UBR2: variants seen among roughly 807,000 people sequenced by gnomAD.
UBR2 encodes the protein E3 ubiquitin-protein ligase UBR2.
Under a neutral mutation model 247.9 loss-of-function variants are expected in UBR2, and 92 were observed. The ratio of observed to expected loss-of-function variants is 0.37; its 90% CI spans 0.31 to 0.44. The LOEUF is 0.44. UBR2 is among the 20% of genes least tolerant of loss of function. The pLI, the probability that UBR2 is intolerant of heterozygous loss-of-function variation, is 1.00. For missense variants in UBR2, 1,613 were observed against 2,112.6 expected (o/e 0.76, Z 4.64); for synonymous variants, 672 against 693.5 (o/e 0.97, Z 0.49).
At chr6:42,619,453 A>ATATATAATTTTTTTTT in intron 11 of UBR2, 5 of 23,728 alleles carry the variant, frequency 2.1e-4, no homozygotes, top group African/African-American at 4.9e-4. Flanking sequence ...ATATATATAT[A>ATATATAATTTTTTTTT]TTTTTTTTTT....
At position 42,616,221 on chromosome 6, in the gene UBR2, CATAA is replaced by C. The variant is rs144617463; in HGVS notation, c.1182+136_1182+139del. ...GTTGATATTAAATTCTAAGAAACTT[CATAA>C]ATAATCTTTTCATTCTTTATCAATA... is the stretch of plus-strand genomic sequence containing the variant. On this transcript the variant is annotated intron_variant, in intron 10 of 46. Transcript: ENST00000372901. The C allele has an allele frequency of 6.8e-3, 3,869 of 568,082 alleles. 40 individuals are homozygous for C. The highest frequency in any genetic ancestry group is 7.1e-3 in the Non-Finnish European group (2,427 of 343,512). The allele number at this position is 568,082 out of a possible 1,614,324, so 35.2% of individuals were successfully genotyped here. A position where few individuals can be genotyped will look rare whatever the true frequency, so the allele number is the denominator to read the frequency against.
chr6:42,615,028 A>G, intron 8 of UBR2, 43 bp from the exon 9 acceptor site: 2 of 1,517,656 alleles, frequency 1.3e-6, no homozygotes, highest in Non-Finnish European at 1.8e-6. Flanking sequence ...CTATTTTAAT[A>G]TTTGAAGTTG....
chr6:42,653,623 T>G (rs1397683221), intron 25 of UBR2, among the ~76,000 whole-genome samples: 1 of 139,000 alleles, frequency 7.2e-6, no homozygotes, highest in African/African-American at 2.7e-5. Context: ...TTTTTTTTTT[T>G]TTTTTTTTTT....
At position 42,616,011 on chromosome 6, in the gene UBR2, G is replaced by T. The variant is rs1794521186; in HGVS notation, c.1103G>T (p.Ser368Ile). 6.2e-7 allele frequency: 1 copy of T among 1,602,064 alleles called. No individual in the cohort carries two copies. The highest frequency in any genetic ancestry group is 8.5e-7 in the Non-Finnish European group (1 of 1,176,654). Reference protein sequence around the residue: ...SDSKLWKGARSVYHQLFMSSL... With the variant: ...SDSKLWKGARIVYHQLFMSSL... ...GATCTTTTTCTACAAGGTGCTAGGA[G>T]TGTATATCATCAGTTGTTCATGAGC... The change falls in exon 10 of 47, where the codon AGT becomes ATT. Residue 368 changes from serine (S) to isoleucine (I), a missense_variant. Physicochemically the swap from Ser to Ile is moderately radical, Grantham distance 142. Transcript: ENST00000372901.
At position 42,632,638 on chromosome 6, in the gene UBR2, C is replaced by A; in HGVS notation, c.1368C>A (p.Gly456=). 2 of 1,613,516 alleles carry A rather than the reference C, an allele frequency of 1.2e-6. No homozygotes were observed. The highest frequency in any genetic ancestry group is 8.5e-7 in the Non-Finnish European group (1 of 1,179,790). ...ATTTGAGACATCGAGATGCCCAGGG[C>A]AGATTTCAGTTTGAACGATACACTG... ...MDHLRHRDAQ[G]RFQFERYTAL... is the part of the protein sequence containing the mutation. The change falls in exon 12 of 47, where the codon GGC becomes GGA. Residue 456 remains glycine, a synonymous_variant. Coordinates refer to ENST00000372901, the MANE Select transcript of UBR2 (RefSeq NM_001363705.2).
Position 42,594,207 on chromosome 6 carries a change from G to C in UBR2, c.434G>C (p.Gly145Ala). The change falls in exon 4 of 47, where the codon GGT becomes GCT. Residue 145 changes from glycine to alanine, a missense_variant. By Grantham distance (60) the Gly-to-Ala change is moderately conservative (BLOSUM62 0). Around this residue, in one of 3 missense-constraint regions of UBR2, gnomAD observed 1,524 missense variants for 1,967.3 expected, o/e 0.77. Coordinates refer to ENST00000372901, the MANE Select transcript of UBR2 (RefSeq NM_001363705.2). ...TTTTCCAAGATGACAACATCAGGAG[G>C]TGGAGGTTTCTGTGACTGTGGTGAT... is the stretch of plus-strand genomic sequence containing the variant. The part of the protein sequence containing the change: ...DHRYRMTTSG[G>A]GGFCDCGDTE... 1.9e-6 allele frequency: 3 copies of C among 1,612,236 alleles called. No individual in the cohort carries two copies. The highest frequency in any genetic ancestry group is 2.5e-6 in the Non-Finnish European group (3 of 1,178,824).
intron 21 of UBR2, among the ~76,000 whole-genome samples, chr6:42,646,092 A>G (rs947431086): frequency 6.6e-6 from 1 of 152,208 alleles, no homozygotes; most frequent in African/African-American, 2.4e-5. Flanking sequence ...TGAAAAGGAC[A>G]TTCATAGGTT....
chr6:42,645,723 G>A (rs753332478), intron 21 of UBR2, 133 bp downstream of exon 21: 28 of 899,126 alleles, frequency 3.1e-5, no homozygotes, highest in Middle Eastern at 2.5e-4. Context: ...GTATAATTCC[G>A]GTCACTCTTA....
intron 2 of UBR2, among the ~76,000 whole-genome samples, 169 bp downstream of exon 2, chr6:42,574,162 A>G (rs1392133448): frequency 6.6e-6 from 1 of 152,128 alleles, no homozygotes; most frequent in East Asian, 1.9e-4. Context: ...CATTTTTGTA[A>G]TTATTCTTGA....
Position 42,594,178 on chromosome 6 carries a change from A to G in UBR2, c.418-13A>G. 1 of 1,601,636 alleles carries G rather than the reference A, an allele frequency of 6.2e-7. No individual in the cohort carries two copies. The highest frequency in any genetic ancestry group is 8.5e-7 in the Non-Finnish European group (1 of 1,171,788). On this transcript the variant is annotated splice_polypyrimidine_tract_variant and intron_variant, in intron 3 of 46. Coordinates refer to ENST00000372901, the MANE Select transcript of UBR2 (RefSeq NM_001363705.2). Reference sequence around the variant, plus strand: ...ATATTTATTGACAAGATACTTTACAATTTTTTTCCAAGATGACAACATCAG... The same window carrying G: ...ATATTTATTGACAAGATACTTTACAGTTTTTTTCCAAGATGACAACATCAG...
At chr6:42,654,290 A>T (rs187924131) in intron 25 of UBR2, among the ~76,000 whole-genome samples, 29 of 152,346 alleles carry the variant, frequency 1.9e-4, no homozygotes, top group African/African-American at 7.0e-4. Flanking sequence ...GTGGGAAATA[A>T]TGGAGAGAAG....
chr6:42,674,999 A>G (rs566149582), intron 38 of UBR2, among the ~76,000 whole-genome samples: 13 of 152,250 alleles, frequency 8.5e-5, no homozygotes, highest in Admixed American at 2.0e-4. Flanking sequence ...TGCACAGGGT[A>G]CAGAGTGTAC....
In UBR2 at chr6:42,658,316, A is replaced by G; in HGVS notation, c.3059A>G (p.Glu1020Gly). 1 of 1,613,396 alleles carries G rather than the reference A, an allele frequency of 6.2e-7. No individual in the cohort carries two copies. Among genetic ancestry groups the G allele is most frequent in the Non-Finnish European group, 8.5e-7 (1 of 1,179,748 alleles). The part of the protein sequence containing the change: ...PVAETEGTIM[E>G]ESSRDKDKAE... ...GCAGAGACAGAAGGAACCATAATGG[A>G]AGAGGTATAAACAGTAAAAAGTGTG... is the stretch of plus-strand genomic sequence containing the variant. Residue 1020 changes from glutamate to glycine, a missense_variant, in exon 28 of 47, where the codon GAA (glutamate) becomes GGA (glycine). Transcript: ENST00000372901.
intron 13 of UBR2, chr6:42,634,350 G>A (rs898967786): frequency 6.0e-6 from 2 of 331,410 alleles, no homozygotes; most frequent in Non-Finnish European, 1.2e-5. Context: ...AAAAATCTGA[G>A]CAAGTACTAT....
At chr6:42,661,952 T>C (rs932449461) in intron 30 of UBR2, among the ~76,000 whole-genome samples, 1 of 152,220 alleles carries the variant, frequency 6.6e-6, no homozygotes, top group African/African-American at 2.4e-5. Context: ...CTAATTTCAG[T>C]TTAACAATTT....
intron 11 of UBR2, among the ~76,000 whole-genome samples, chr6:42,619,216 A>G (rs547026963): frequency 6.6e-6 from 1 of 151,578 alleles, no homozygotes; most frequent in Admixed American, 6.6e-5. Context: ...CAAAAAGATG[A>G]AGTAAAATCA....
chr6:42,640,322 A>G, intron 16 of UBR2, 52 bp downstream of exon 16: 1 of 1,496,952 alleles, frequency 6.7e-7, no homozygotes, highest in Middle Eastern at 1.8e-4. Flanking sequence ...TGTTCTTTGT[A>G]TTTGGAATCA....
Position 42,676,186 on chromosome 6 carries a change from G to A in UBR2, c.4382G>A (p.Cys1461Tyr), listed in dbSNP as rs1321294503. The A allele has an allele frequency of 1.3e-6, 2 of 1,589,656 alleles. No individual in the cohort carries two copies. The highest frequency in any genetic ancestry group is 1.7e-6 in the Non-Finnish European group (2 of 1,172,904). Residue 1461 changes from cysteine to tyrosine, a missense_variant, in exon 39 of 47, where the codon TGT (cysteine) becomes TAT (tyrosine). This residue lies in a region of UBR2 where 1,524 missense variants were observed against 1,967.3 expected (regional missense o/e 0.77). Coordinates refer to ENST00000372901, the MANE Select transcript of UBR2 (RefSeq NM_001363705.2). ...AHIIQILLTS[C>Y]TEENGMDQEN... is the part of the protein sequence containing the mutation. Reference sequence around the variant, plus strand: ...ATCATACAGATCTTACTTACCTCATGTACAGGTAACTCTTGCCTTTTTGTC... The same window carrying A: ...ATCATACAGATCTTACTTACCTCATATACAGGTAACTCTTGCCTTTTTGTC...
intron 2 of UBR2, among the ~76,000 whole-genome samples, chr6:42,576,335 A>G (rs555043763): frequency 6.6e-6 from 1 of 152,166 alleles, no homozygotes; most frequent in African/African-American, 2.4e-5. Flanking sequence ...CTTCCTTTGC[A>G]TATTTTTAAT....
Sources: gnomAD v4.1 joint callset for allele counts (sites outside exome capture counted in the v4.1 genomes callset) on GRCh38, gnomAD v4.1.1 for gene constraint, gnomAD v4.1.1 regional missense constraint, MANE v1.5 for transcripts, NCBI Gene and HGNC (gene_info 2026-07-23, HGNC 2026-07-21) for gene names.